Variants in TMPRSS15 observed in about 807,000 individuals in gnomAD.
TMPRSS15 encodes transmembrane serine protease 15, also known as enteropeptidase.
TMPRSS15 carries 128 observed loss-of-function variants against 125.3 expected under a neutral mutation model. That is an observed-to-expected ratio of 1.02 (90% CI 0.89 to 1.18). The LOEUF is 1.18. TMPRSS15 is among the 50% of genes most tolerant of loss of function. TMPRSS15 has a pLI of 0.00. For synonymous variants in TMPRSS15, 446 were observed against 423.2 expected (o/e 1.05, Z -0.66); for missense variants, 1,283 against 1,212.7 (o/e 1.06, Z -0.86).
intron 1 of TMPRSS15, among the ~76,000 whole-genome samples, chr21:18,479,259 G>A (rs993658693): frequency 6.6e-6 from 1 of 151,912 alleles, no homozygotes; most frequent in African/African-American, 2.4e-5. Context: ...ACACATACAT[G>A]CATACAAATA....
intron 10 of TMPRSS15, 131 bp downstream of exon 10, chr21:18,352,772 G>T: frequency 2.2e-6 from 2 of 905,182 alleles, no homozygotes; most frequent in African/African-American, 1.7e-5. Context: ...TTAATTAATT[G>T]AATTTTTAAA....
intron 1 of TMPRSS15, among the ~76,000 whole-genome samples, chr21:18,437,163 T>G (rs2076229784): frequency 6.7e-6 from 1 of 149,664 alleles, no homozygotes; most frequent in Admixed American, 6.7e-5. Context: ...CCCTCAGAGA[T>G]AACGCCGCAT....
intron 3 of TMPRSS15, among the ~76,000 whole-genome samples, chr21:18,389,196 G>C (rs1218694415): frequency 6.7e-6 from 1 of 148,924 alleles, no homozygotes; most frequent in Non-Finnish European, 1.5e-5. Flanking sequence ...AGGAAGGAAG[G>C]AAAGAAAGAA....
intron 10 of TMPRSS15, among the ~76,000 whole-genome samples, chr21:18,344,610 C>T (rs2075485943): frequency 6.6e-6 from 1 of 152,116 alleles, no homozygotes; most frequent in Non-Finnish European, 1.5e-5. Context: ...AATCAGATCA[C>T]TGAGAAGCAG....
chr21:18,275,657 A>T (rs1451823344), intron 23 of TMPRSS15, among the ~76,000 whole-genome samples: 1 of 152,218 alleles, frequency 6.6e-6, no homozygotes, highest in Non-Finnish European at 1.5e-5. Context: ...ACGCTCCCCA[A>T]CACAAAGTGT....
intron 3 of TMPRSS15, among the ~76,000 whole-genome samples, chr21:18,390,666 C>T (rs1399404682): frequency 1.3e-5 from 2 of 152,082 alleles, no homozygotes; most frequent in African/African-American, 4.8e-5. Context: ...CTAAACCAGA[C>T]TAGAGTGTCA....
At chr21:18,338,670 T>C (rs1054179260) in intron 13 of TMPRSS15, among the ~76,000 whole-genome samples, 1 of 151,814 alleles carries the variant, frequency 6.6e-6, no homozygotes, top group African/African-American at 2.4e-5. Flanking sequence ...AAGTTTCATG[T>C]CACCAAAATA....
At chr21:18,397,995 A>G in intron 2 of TMPRSS15, 49 bp from the exon 3 acceptor site, 1 of 1,336,518 alleles carries the variant, frequency 7.5e-7, no homozygotes, top group Non-Finnish European at 1.0e-6. Context: ...TAGGATTTTA[A>G]CTTTTGTTGA....
intron 1 of TMPRSS15, among the ~76,000 whole-genome samples, chr21:18,461,627 T>C (rs1291799239): frequency 6.6e-6 from 1 of 152,194 alleles, no homozygotes; most frequent in African/African-American, 2.4e-5. Flanking sequence ...TTTTATGTTA[T>C]AAGCAAAATT....
At chr21:18,440,202 G>T (rs2076237852) in intron 1 of TMPRSS15, among the ~76,000 whole-genome samples, 2 of 151,096 alleles carry the variant, frequency 1.3e-5, no homozygotes, top group South Asian at 2.1e-4. Flanking sequence ...GTGAAACCTC[G>T]TCTCTACTAA....
Position 18,362,902 on chromosome 21 carries a change from T to G in TMPRSS15, c.773+2238A>C, listed in dbSNP as rs933425738. Among the ~76,000 whole-genome samples the G allele has an allele frequency of 2.4e-4, 37 of 152,164 alleles. 1 individual carries two copies. On this transcript the variant is annotated intron_variant, in intron 7 of 24. Transcript: ENST00000284885. ...ATGTGTGAAGATCTTGATCTGAAGA[T>G]CTTAATCTGAAGAAGTTAGATTTGA...
At chr21:18,385,506 A>C (rs1404844861) in intron 3 of TMPRSS15, among the ~76,000 whole-genome samples, 1 of 152,148 alleles carries the variant, frequency 6.6e-6, no homozygotes, top group Non-Finnish European at 1.5e-5. Flanking sequence ...ACTTTTTTAT[A>C]TCTAATAAAA....
At chr21:18,479,317 T>G (rs1292735485) in intron 1 of TMPRSS15, among the ~76,000 whole-genome samples, 2 of 151,974 alleles carry the variant, frequency 1.3e-5, no homozygotes, top group Non-Finnish European at 2.9e-5. Context: ...ATGTCAAATG[T>G]GGCATATTCA....
chr21:18,316,516 CTT>C (rs1240602100), intron 16 of TMPRSS15, among the ~76,000 whole-genome samples: 1 of 152,152 alleles, frequency 6.6e-6, no homozygotes, highest in African/African-American at 2.4e-5. Flanking sequence ...GAAATGGAAA[CTT>C]TGCCGTATCG....
intron 7 of TMPRSS15, among the ~76,000 whole-genome samples, chr21:18,360,844 A>T (rs1247375167): frequency 6.6e-6 from 1 of 152,008 alleles, no homozygotes; most frequent in Non-Finnish European, 1.5e-5. Context: ...CAGGGCTTGC[A>T]TTTGATCTGT....
chr21:18,385,231 G>T (rs892520450), intron 3 of TMPRSS15, among the ~76,000 whole-genome samples: 1 of 152,102 alleles, frequency 6.6e-6, no homozygotes, highest in Admixed American at 6.5e-5. Context: ...TTAGTTCAGG[G>T]TTTCCCAAAC....
At chr21:18,464,471 G>T (rs1227042848) in intron 1 of TMPRSS15, among the ~76,000 whole-genome samples, 2 of 152,068 alleles carry the variant, frequency 1.3e-5, no homozygotes, top group Admixed American at 1.3e-4. Context: ...AATGAATCCA[G>T]GAGCTGGTTT....
At chr21:18,431,582 T>C (rs35049706) in intron 1 of TMPRSS15, among the ~76,000 whole-genome samples, 48,527 of 152,042 alleles carry the variant, frequency 0.32, 9,348 homozygotes, top group Middle Eastern at 0.45. Context: ...ATTGTATATA[T>C]TTTTCCTTCT....
chr21:18,280,586 A>AAAAAAAACAAAC (rs2074683558), intron 22 of TMPRSS15, among the ~76,000 whole-genome samples: 4 of 149,080 alleles, frequency 2.7e-5, no homozygotes, highest in African/African-American at 1.0e-4. Context: ...AAAAAAAAAA[A>AAAAAAAACAAAC]AAAAAAAAAC....
Sources: allele counts gnomAD v4.1 joint callset (sites outside exome capture counted in the v4.1 genomes callset), GRCh38; gene constraint gnomAD v4.1.1; transcripts MANE v1.5; gene names NCBI Gene and HGNC (gene_info 2026-07-23, HGNC 2026-07-21).